ROR1: variants seen among roughly 807,000 people sequenced by gnomAD.
ROR1 encodes inactive tyrosine-protein kinase transmembrane receptor ROR1.
ROR1 carries 19 observed loss-of-function variants against 78.8 expected under a neutral mutation model. The ratio of observed to expected loss-of-function variants is 0.24; its 90% CI spans 0.17 to 0.35. ROR1 has a LOEUF of 0.35. Among genes scored for constraint, ROR1 ranks in the 10% least tolerant of loss-of-function variants. ROR1 has a pLI of 1.00. For synonymous variants in ROR1, 386 were observed against 433.6 expected, an observed-to-expected ratio of 0.89 and a Z score of 1.36; for missense variants, 917 against 1,177.8, an observed-to-expected ratio of 0.78 and a Z score of 3.24.
Position 64,178,761 on chromosome 1 carries a change from A to G in ROR1, c.2720A>G (p.Gln907Arg), listed in dbSNP as rs148190213. ...ATCACCGTTTTTGGCAACAAATCTC[A>G]AAAACCCTACAAAATTGACTCAAAG... is the stretch of plus-strand genomic sequence containing the variant. Reference protein sequence around the residue: ...MGITVFGNKSQKPYKIDSKQA... With the variant: ...MGITVFGNKSRKPYKIDSKQA... Residue 907 changes from glutamine to arginine, a missense_variant, in exon 9 of 9, where the codon CAA becomes CGA. Gln to Arg is a conservative substitution (Grantham distance 43, BLOSUM62 1). Transcript: ENST00000371079. This position sits in a 1 kb window ranked among gnomAD's most constrained non-coding sequence, Gnocchi z 4.3. The G allele has an allele frequency of 3.1e-6, 5 of 1,613,910 alleles. No homozygotes were observed. Among genetic ancestry groups the G allele is most frequent in the Non-Finnish European group, 4.2e-6 (5 of 1,179,934 alleles).
intron 4 of ROR1, among the ~76,000 whole-genome samples, chr1:64,132,642 C>G (rs1030313315): frequency 2.1e-4 from 32 of 151,698 alleles, no homozygotes; most frequent in Admixed American, 1.5e-3. Flanking sequence ...CGCCTCTAAT[C>G]CCAGCTACTC....
intron 1 of ROR1, among the ~76,000 whole-genome samples, chr1:63,980,951 C>T (rs1004097746): frequency 3.3e-5 from 5 of 152,196 alleles, no homozygotes; most frequent in African/African-American, 1.2e-4. Flanking sequence ...TAAAGCTGTT[C>T]TGATCCTCTT....
chr1:64,013,975 T>C (rs1210550391), intron 2 of ROR1, among the ~76,000 whole-genome samples: 1 of 152,240 alleles, frequency 6.6e-6, no homozygotes, highest in East Asian at 1.9e-4. Flanking sequence ...ACGCATCATT[T>C]GAATTCACAC....
intron 4 of ROR1, among the ~76,000 whole-genome samples, chr1:64,116,966 C>T (rs1359013985): frequency 1.3e-5 from 2 of 152,128 alleles, no homozygotes; most frequent in African/African-American, 2.4e-5. Flanking sequence ...TCTCCAGAAA[C>T]GTTACATGCT....
rs911257848 is a variant in ROR1 at position 64,143,514 on chromosome 1, A to G, written c.1174+864A>G. On this transcript the variant is annotated intron_variant, in intron 7 of 8. Coordinates refer to ENST00000371079, the MANE Select transcript of ROR1 (RefSeq NM_005012.4). Reference sequence around the variant, plus strand: ...GGGAGAGTCAGGATGTCACTGCTGGAAAAGCAAAAGCTACAGGGTAGGAGG... The same window carrying G: ...GGGAGAGTCAGGATGTCACTGCTGGGAAAGCAAAAGCTACAGGGTAGGAGG... 3.4e-5 allele frequency: 21 copies of G among 621,260 alleles called. 2 individuals are homozygous for G. In the Admixed American group the frequency reaches 8.9e-4, roughly 26 times the overall value. 38.5% of individuals were successfully genotyped at this position (621,260 alleles called of 1,614,324 possible). A position where few individuals can be genotyped will look rare whatever the true frequency, so the allele number is the denominator to read the frequency against.
intron 4 of ROR1, among the ~76,000 whole-genome samples, chr1:64,075,120 C>T (rs1196881574): frequency 1.3e-5 from 2 of 152,116 alleles, no homozygotes; most frequent in African/African-American, 4.8e-5. Context: ...CTTGATCAAA[C>T]AATAAGCTTA....
At chr1:64,103,807 T>G (rs1647670660) in intron 4 of ROR1, among the ~76,000 whole-genome samples, 1 of 151,746 alleles carries the variant, frequency 6.6e-6, no homozygotes, top group Non-Finnish European at 1.5e-5. Context: ...AAAAAAAAGG[T>G]TTCTATCTAA....
chr1:64,178,648 T>TA lies in ROR1; in HGVS notation c.2608dup (p.Ser870LysfsTer44). ...GGTCGACTAGCACTGGCCATGTGAC[T>TA]AGCTTGCCCTCATCAGGATCCAATC... On this transcript the variant is annotated frameshift_variant, in exon 9 of 9. Transcript: ENST00000371079. LOFTEE classifies it high-confidence loss of function. The surrounding 1 kb of genome is among the most constrained non-coding windows in gnomAD (Gnocchi z 4.3). The TA allele has an allele frequency of 6.2e-7, 1 of 1,614,164 alleles. No individual in the cohort carries two copies. Among genetic ancestry groups the TA allele is most frequent in the Non-Finnish European group, 8.5e-7 (1 of 1,180,030 alleles).
chr1:63,788,714 T>G, intron 1 of ROR1: 2 of 378,456 alleles, frequency 5.3e-6, no homozygotes, highest in Non-Finnish European at 1.0e-5. Flanking sequence ...AGTGGAAGTT[T>G]TTATTTCCTT....
intron 1 of ROR1, among the ~76,000 whole-genome samples, chr1:63,912,023 C>G (rs1312059065): frequency 6.6e-6 from 1 of 151,686 alleles, no homozygotes; most frequent in East Asian, 1.9e-4. Flanking sequence ...ACAGTGGCTG[C>G]CACCTGTAAT....
rs113185084 is a variant in ROR1 at position 64,166,357 on chromosome 1, G to A, written c.1386+7165G>A. On this transcript the variant is annotated intron_variant, in intron 8 of 8. Transcript: ENST00000371079. ...TATTTGGGCTCTTTTTTAGTTCCAT[G>A]TGAATTTTTAAATAGTTTTCTCTAG... Among the ~76,000 whole-genome samples, 806 of 152,196 alleles carry A rather than the reference G, an allele frequency of 5.3e-3. 8 individuals carry two copies. Among genetic ancestry groups the A allele is most frequent in the African/African-American group, 0.017 (712 of 41,526 alleles).
chr1:64,008,677 C>A (rs1646450046), intron 1 of ROR1, among the ~76,000 whole-genome samples: 1 of 152,082 alleles, frequency 6.6e-6, no homozygotes, highest in South Asian at 2.1e-4. Context: ...CTATGTCAGC[C>A]AGGCTGGATT....
chr1:63,940,506 T>C (rs548821348), intron 1 of ROR1, among the ~76,000 whole-genome samples: 66 of 146,972 alleles, frequency 4.5e-4, no homozygotes, highest in African/African-American at 1.6e-3. Context: ...GACAGATAGA[T>C]AGATAGATAG....
At chr1:64,090,903 C>T (rs1190057942) in intron 4 of ROR1, among the ~76,000 whole-genome samples, 4 of 152,176 alleles carry the variant, frequency 2.6e-5, no homozygotes, top group Non-Finnish European at 5.9e-5. Flanking sequence ...ACTTCCCACA[C>T]TCAGCATGGG....
chr1:63,825,310 T>A (rs2100291028), intron 1 of ROR1, among the ~76,000 whole-genome samples: 1 of 152,266 alleles, frequency 6.6e-6, no homozygotes, highest in East Asian at 1.9e-4. Context: ...ATAAACAAAA[T>A]GTGGTATATC....
At chr1:63,935,760 A>G (rs1557570816) in intron 1 of ROR1, among the ~76,000 whole-genome samples, 1 of 152,206 alleles carries the variant, frequency 6.6e-6, no homozygotes, top group Non-Finnish European at 1.5e-5. Context: ...GGAGCCTTTA[A>G]AGCAGTCACA....
At chr1:64,112,254 A>G (rs1274723022) in intron 4 of ROR1, 1 of 152,164 alleles carries the variant, frequency 6.6e-6, no homozygotes, top group East Asian at 1.9e-4. Context: ...GGTGAGTGCT[A>G]TTGTGATGTG....
rs201773121 is a variant in ROR1, at chr1:63,775,583, A to G, written c.91+1075A>G. Among the ~76,000 whole-genome samples the G allele has an allele frequency of 6.5e-3, 989 of 152,272 alleles. 5 individuals are homozygous for G. Among genetic ancestry groups the G allele is most frequent in the African/African-American group, 0.023 (946 of 41,556 alleles). ...TTTTATCATGCATCTTTCATTTTTA[A>G]GTTAGCACTGTGTTTAGGAAAAGAA... On this transcript the variant is annotated intron_variant, in intron 1 of 8. Transcript: ENST00000371079.
intron 1 of ROR1, among the ~76,000 whole-genome samples, chr1:63,993,981 G>T (rs542783970): frequency 6.6e-6 from 1 of 152,076 alleles, no homozygotes. Flanking sequence ...TTGATATAAG[G>T]GTTCCTGATT....
Sources: gnomAD v4.1 joint callset for allele counts (sites outside exome capture counted in the v4.1 genomes callset) on GRCh38, gnomAD v4.1.1 for gene constraint, Gnocchi (gnomAD v3.1) non-coding constraint, MANE v1.5 for transcripts, NCBI Gene and HGNC (gene_info 2026-07-23, HGNC 2026-07-21) for gene names.